The following CDH13 variants were observed in gnomAD, a reference collection of about 807,000 sequenced individuals.
CDH13 encodes cadherin 13, also known as cadherin-13.
A neutral mutation model predicts 63.8 loss-of-function variants in CDH13; 24 were observed. The observed-to-expected ratio is 0.38, with a 90% confidence interval of 0.27 to 0.53. The LOEUF is 0.53. Ranked by LOEUF, CDH13 falls within the 20% of genes least tolerant of loss-of-function variation. CDH13 has a pLI of 0.85. For missense variants in CDH13, 1,049 were observed against 903.1 expected, an observed-to-expected ratio of 1.16 and a Z score of -2.07; for synonymous variants, 503 against 355.3, an observed-to-expected ratio of 1.42 and a Z score of -4.67.
intron 1 of CDH13, among the ~76,000 whole-genome samples, chr16:82,781,166 G>A (rs919710861): frequency 8.5e-5 from 13 of 152,194 alleles, no homozygotes; most frequent in Non-Finnish European, 1.3e-4. Flanking sequence ...TAATATGCAG[G>A]CAATTTTTTA....
chr16:82,977,553 A>G (rs1909690605), intron 2 of CDH13, among the ~76,000 whole-genome samples: 1 of 152,050 alleles, frequency 6.6e-6, no homozygotes, highest in Non-Finnish European at 1.5e-5. Context: ...CCACCATGTG[A>G]AGAAGGACAT....
Position 83,047,242 on chromosome 16 carries a change from T to TTTA in CDH13, c.366+15027_366+15029dup, listed in dbSNP as rs974702141. The stretch of plus-strand genomic sequence containing the variant: ...CTTACTCCAGAGGCCTGTGTATTTA[T>TTTA]TTATTTATTTATTTTTTTGGTAAAG... On this transcript the variant is annotated intron_variant, in intron 3 of 13. Transcript: ENST00000567109. This position sits in a 1 kb window ranked among gnomAD's most constrained non-coding sequence, Gnocchi z 4.9. Among the ~76,000 whole-genome samples, 8 of 152,188 alleles carry TTTA rather than the reference T, an allele frequency of 5.3e-5. No homozygotes were observed. The highest frequency in any genetic ancestry group is 3.4e-3 in the Middle Eastern group (1 of 294).
At chr16:83,479,095 T>A (rs1248315957) in intron 6 of CDH13, among the ~76,000 whole-genome samples, 5 of 152,226 alleles carry the variant, frequency 3.3e-5, no homozygotes, top group Non-Finnish European at 7.3e-5. Flanking sequence ...AATTGCTGTC[T>A]ACTCAAGAAT....
intron 3 of CDH13, among the ~76,000 whole-genome samples, chr16:83,060,729 C>T (rs954080634): frequency 5.2e-4 from 79 of 152,296 alleles, no homozygotes; most frequent in African/African-American, 1.9e-3. Flanking sequence ...CATTAGGATG[C>T]ACAGGTTTAC....
chr16:83,419,485 G>C (rs890557088), intron 6 of CDH13, among the ~76,000 whole-genome samples: 1 of 152,148 alleles, frequency 6.6e-6, no homozygotes, highest in Non-Finnish European at 1.5e-5. Context: ...TACATCCTTA[G>C]ATCAGGAGTA....
At chr16:83,204,915 C>T (rs1000009685) in intron 4 of CDH13, among the ~76,000 whole-genome samples, 1 of 152,168 alleles carries the variant, frequency 6.6e-6, no homozygotes, top group South Asian at 2.1e-4. Flanking sequence ...ATGCTTTCGC[C>T]CACAATTAAC....
Position 83,058,950 on chromosome 16 carries a change from T to C in CDH13, c.366+26732T>C, listed in dbSNP as rs188058942. Reference sequence around the variant, plus strand: ...GGTGGAACCTCTTGTTATGTGCAAATCTAATCCATTCTCATTCAAAGATGG... The same window carrying C: ...GGTGGAACCTCTTGTTATGTGCAAACCTAATCCATTCTCATTCAAAGATGG... On this transcript the variant is annotated intron_variant, in intron 3 of 13. Coordinates refer to ENST00000567109, the MANE Select transcript of CDH13 (RefSeq NM_001257.5). 2.5e-3 allele frequency among the ~76,000 whole-genome samples: 387 copies of C among 152,266 alleles called. 6 individuals are homozygous for C. Among genetic ancestry groups the C allele is most frequent in the Non-Finnish European group, 5.3e-4 (36 of 68,024 alleles).
chr16:83,748,010 A>T, intron 10 of CDH13, 98 bp from the exon 11 acceptor site: 1 of 1,309,370 alleles, frequency 7.6e-7, no homozygotes, highest in Non-Finnish European at 1.1e-6. Context: ...GTTACCTAGG[A>T]TCCAGCACCT....
chr16:83,533,368 C>T (rs2075121622), intron 7 of CDH13, among the ~76,000 whole-genome samples: 1 of 152,156 alleles, frequency 6.6e-6, no homozygotes, highest in Admixed American at 6.5e-5. Context: ...TTTTACAGGG[C>T]ATTCCCCAAA....
intron 1 of CDH13, among the ~76,000 whole-genome samples, chr16:82,848,508 A>G (rs2039355475): frequency 1.3e-5 from 2 of 150,590 alleles, no homozygotes; most frequent in Non-Finnish European, 3.0e-5. Context: ...TCCTTTTTTT[A>G]AATTATTACT....
chr16:82,869,722 C>G (rs896808684), intron 2 of CDH13, among the ~76,000 whole-genome samples: 12 of 152,164 alleles, frequency 7.9e-5, no homozygotes, highest in South Asian at 2.1e-4. Flanking sequence ...AAGAACATAC[C>G]TTGGGGAAAG....
At position 83,231,218 on chromosome 16, in the gene CDH13, A is replaced by G. The variant is rs377130312; in HGVS notation, c.636+13721A>G. 4.3e-4 allele frequency among the ~76,000 whole-genome samples: 65 copies of G among 152,336 alleles called. 1 individual carries two copies. The South Asian group carries it at 0.013, about 31-fold the overall frequency. On this transcript the variant is annotated intron_variant, in intron 5 of 13. Coordinates refer to ENST00000567109, the MANE Select transcript of CDH13 (RefSeq NM_001257.5). ...CTCACTTCCCTCTTCTCTATGAAGA[A>G]TTCAGTTTAACTGTGTAGGTTGGAT... is the stretch of plus-strand genomic sequence containing the variant.
chr16:83,361,726 C>G (rs1192997777), intron 6 of CDH13, among the ~76,000 whole-genome samples: 1 of 152,088 alleles, frequency 6.6e-6, no homozygotes, highest in Non-Finnish European at 1.5e-5. Flanking sequence ...TGTGGAAGAG[C>G]AGATGCCTAT....
chr16:82,683,726 C>G (rs1373110181), intron 1 of CDH13, among the ~76,000 whole-genome samples: 3 of 152,244 alleles, frequency 2.0e-5, no homozygotes, highest in Admixed American at 6.5e-5. Context: ...TCCACACCAT[C>G]TAGCTCAGTC....
chr16:83,019,030 A>G (rs1033040075), intron 2 of CDH13, among the ~76,000 whole-genome samples: 1 of 152,200 alleles, frequency 6.6e-6, no homozygotes, highest in Non-Finnish European at 1.5e-5. Flanking sequence ...GACTTTATAA[A>G]CACTGTACAC....
At chr16:82,795,741 C>G (rs906567593) in intron 1 of CDH13, among the ~76,000 whole-genome samples, 2 of 152,090 alleles carry the variant, frequency 1.3e-5, no homozygotes, top group African/African-American at 2.4e-5. Context: ...GAGCTCTGGA[C>G]GTCCACCAGG....
chr16:83,020,207 G>A (rs149475919), intron 2 of CDH13, among the ~76,000 whole-genome samples: 2 of 152,298 alleles, frequency 1.3e-5, no homozygotes, highest in African/African-American at 4.8e-5. Context: ...CTGGCTTGTA[G>A]CCCCACACCT....
intron 1 of CDH13, among the ~76,000 whole-genome samples, chr16:82,713,058 T>G (rs78915977): frequency 4.2e-4 from 6 of 14,130 alleles, no homozygotes; most frequent in Non-Finnish European, 2.1e-3. Flanking sequence ...GTGTGTGTGG[T>G]GTGTGTGTGT....
intron 5 of CDH13, among the ~76,000 whole-genome samples, chr16:83,239,794 A>G (rs953471355): frequency 1.3e-5 from 2 of 152,198 alleles, no homozygotes; most frequent in Non-Finnish European, 2.9e-5. Flanking sequence ...AACTTACAGC[A>G]GAAGAGCAGG....
Sources: gnomAD v4.1 joint callset for allele counts (sites outside exome capture counted in the v4.1 genomes callset) on GRCh38, gnomAD v4.1.1 for gene constraint, Gnocchi (gnomAD v3.1) non-coding constraint, MANE v1.5 for transcripts, NCBI Gene and HGNC (gene_info 2026-07-23, HGNC 2026-07-21) for gene names.